Variants in DUSP22 observed in about 807,000 individuals in gnomAD.
DUSP22 encodes the protein dual specificity protein phosphatase 22.
A neutral mutation model predicts 24.5 loss-of-function variants in DUSP22; 24 were observed. The observed-to-expected ratio is 0.98, with a 90% CI of 0.71 to 1.38. The LOEUF (loss-of-function observed/expected upper bound fraction) is 1.38. Ranked by LOEUF, DUSP22 falls within the 40% of genes most tolerant of loss-of-function variation. The pLI is 0.00. For synonymous variants in DUSP22, 160 were observed against 106.4 expected, an observed-to-expected ratio of 1.50 and a Z score of -3.10; for missense variants, 330 against 269.2, an observed-to-expected ratio of 1.23 and a Z score of -1.58.
At chr6:345,121 AG>A (rs1466885793) in intron 4 of DUSP22, among the ~76,000 whole-genome samples, 44 of 152,402 alleles carry the variant, frequency 2.9e-4, no homozygotes, top group African/African-American at 1.1e-3. Flanking sequence ...ATGGATTCTG[AG>A]GCTGAGACAG....
intron 3 of DUSP22, among the ~76,000 whole-genome samples, chr6:316,066 C>T (rs1472852505): frequency 2.0e-5 from 3 of 152,306 alleles, no homozygotes; most frequent in Non-Finnish European, 4.4e-5. Flanking sequence ...AAATGTGATC[C>T]CTGGCATTCC....
intron 5 of DUSP22, among the ~76,000 whole-genome samples, chr6:347,562 G>A (rs1158838927): frequency 6.6e-6 from 1 of 152,302 alleles, no homozygotes; most frequent in East Asian, 1.9e-4. Flanking sequence ...GACACAGTGT[G>A]CCTGCTCTGT....
chr6:321,144 G>T (rs1236185822), intron 3 of DUSP22, among the ~76,000 whole-genome samples: 3 of 152,306 alleles, frequency 2.0e-5, no homozygotes, highest in African/African-American at 7.2e-5. Flanking sequence ...GATGACAGGT[G>T]AGTTGGAGGT....
intron 3 of DUSP22, among the ~76,000 whole-genome samples, chr6:322,389 A>C (rs139135900): frequency 6.6e-6 from 1 of 152,420 alleles, no homozygotes; most frequent in African/African-American, 2.4e-5. Flanking sequence ...TTCTGAGTGC[A>C]GTCCTTGGGG....
At chr6:345,224 CT>C (rs4061670) in intron 4 of DUSP22, among the ~76,000 whole-genome samples, 2,664 of 145,110 alleles carry the variant, frequency 0.018, 3 homozygotes, top group African/African-American at 0.065. Flanking sequence ...TGGTTTCTTT[CT>C]TTTTTTTTTT....
intron 3 of DUSP22, among the ~76,000 whole-genome samples, chr6:329,007 C>T (rs1265903872): frequency 6.6e-6 from 1 of 152,304 alleles, no homozygotes; most frequent in African/African-American, 2.4e-5. Flanking sequence ...GAAAGTCATA[C>T]CTGGAGGAGA....
chr6:321,253 C>T (rs531854181), intron 3 of DUSP22, among the ~76,000 whole-genome samples: 1 of 152,424 alleles, frequency 6.6e-6, no homozygotes, highest in South Asian at 2.1e-4. Flanking sequence ...TGGGAGCTCA[C>T]CAGGGTGGCT....
chr6:313,964 T>A (rs1326745107), intron 3 of DUSP22, among the ~76,000 whole-genome samples: 1 of 152,308 alleles, frequency 6.6e-6, no homozygotes, highest in Non-Finnish European at 1.5e-5. Context: ...GTCTTCTGTC[T>A]TGAGTTTCAA....
At chr6:335,208 G>C in intron 4 of DUSP22, 45 bp downstream of exon 4, 1 of 1,599,220 alleles carries the variant, frequency 6.3e-7, no homozygotes, top group South Asian at 1.1e-5. Context: ...TTAAAAAAAT[G>C]AATAGAGGAT....
intron 4 of DUSP22, among the ~76,000 whole-genome samples, chr6:343,221 G>C (rs1759692482): frequency 6.6e-6 from 1 of 152,306 alleles, no homozygotes; most frequent in Non-Finnish European, 1.5e-5. Flanking sequence ...CATGCTACCT[G>C]ATATCAGCAA....
intron 3 of DUSP22, among the ~76,000 whole-genome samples, chr6:331,399 A>G (rs1378666111): frequency 2.0e-5 from 3 of 152,310 alleles, no homozygotes; most frequent in East Asian, 3.8e-4. Context: ...ATTACTTACA[A>G]ATTTTTCAGA....
intron 3 of DUSP22, among the ~76,000 whole-genome samples, chr6:334,397 G>A (rs1759272700): frequency 3.3e-5 from 5 of 150,694 alleles, no homozygotes; most frequent in Admixed American, 2.7e-4. Flanking sequence ...AAGAGAAACA[G>A]CCATTTTTTT....
Position 350,054 on chromosome 6 carries a change from C to G in DUSP22, c.*1103C>G, listed in dbSNP as rs1268471725. 10 of 985,526 alleles carry G rather than the reference C, an allele frequency of 1.0e-5. No individual in the cohort carries two copies. Among genetic ancestry groups the G allele is most frequent in the Non-Finnish European group, 1.2e-5 (10 of 830,030 alleles). The allele number at this position is 985,526 out of a possible 1,614,324, so 61.0% of individuals were successfully genotyped here. A position where few individuals can be genotyped will look rare whatever the true frequency, so the allele number is the denominator to read the frequency against. Reference sequence around the variant, plus strand: ...AAATGCCTGAGCATTTATTAAGCTTCTTGGTATTCACTTGGGTTTGATAAT... The same window carrying G: ...AAATGCCTGAGCATTTATTAAGCTTGTTGGTATTCACTTGGGTTTGATAAT... On this transcript the variant is annotated 3_prime_UTR_variant, in exon 7 of 7. Transcript: ENST00000419235.
At chr6:317,663 A>G (rs1164812636) in intron 3 of DUSP22, among the ~76,000 whole-genome samples, 1 of 152,302 alleles carries the variant, frequency 6.6e-6, no homozygotes, top group African/African-American at 2.4e-5. Flanking sequence ...CCTGTGCTTT[A>G]TGACGTAAGT....
chr6:320,678 C>G (rs1286610021), intron 3 of DUSP22, among the ~76,000 whole-genome samples: 1 of 152,282 alleles, frequency 6.6e-6, no homozygotes, highest in Non-Finnish European at 1.5e-5. Flanking sequence ...GTTGAGGCAG[C>G]CTTATAGGAC....
At chr6:335,446 G>A (rs1759319811) in intron 4 of DUSP22, among the ~76,000 whole-genome samples, 1 of 152,412 alleles carries the variant, frequency 6.6e-6, no homozygotes. Context: ...TAAACCTTTA[G>A]TATGCTCATC....
Position 350,279 on chromosome 6 carries a change from C to G in DUSP22, c.*1328C>G. 1.0e-6 allele frequency: 1 copy of G among 991,026 alleles called. No homozygotes were observed. Among genetic ancestry groups the G allele is most frequent in the Non-Finnish European group, 1.2e-6 (1 of 833,806 alleles). The allele number at this position is 991,026 out of a possible 1,614,324, so 61.4% of individuals were successfully genotyped here. ...TGGGTAAAATTCCACATTCAGGCCA[C>G]GAGAGCATCTACAGTTTGTACTCTG... On this transcript the variant is annotated 3_prime_UTR_variant, in exon 7 of 7. Transcript: ENST00000419235.
chr6:307,858 G>A (rs923291061), intron 2 of DUSP22, among the ~76,000 whole-genome samples: 2 of 152,308 alleles, frequency 1.3e-5, no homozygotes, highest in Admixed American at 1.3e-4. Flanking sequence ...GTACCCAGTT[G>A]TTTGGACAAG....
intron 3 of DUSP22, among the ~76,000 whole-genome samples, chr6:334,775 T>C (rs1392958697): frequency 2.6e-5 from 4 of 152,304 alleles, no homozygotes; most frequent in Non-Finnish European, 5.9e-5. Flanking sequence ...ATAAAAAATT[T>C]GGAATATATA....
Sources: allele counts gnomAD v4.1 joint callset (sites outside exome capture counted in the v4.1 genomes callset), GRCh38; gene constraint gnomAD v4.1.1; transcripts MANE v1.5; gene names NCBI Gene and HGNC (gene_info 2026-07-23, HGNC 2026-07-21).